The following PDE4B variants were observed in gnomAD, a reference collection of about 807,000 sequenced individuals.
PDE4B encodes the protein 3',5'-cyclic-AMP phosphodiesterase 4B.
Under a neutral mutation model 82.2 loss-of-function variants are expected in PDE4B, and 20 were observed. The ratio of observed to expected loss-of-function variants is 0.24; its 90% CI spans 0.17 to 0.35. PDE4B has a LOEUF of 0.35. PDE4B is among the 10% of genes least tolerant of loss of function. The pLI is 1.00. For synonymous variants in PDE4B, 320 were observed against 318.9 expected, an observed-to-expected ratio of 1.00 and a Z score of -0.04; for missense variants, 655 against 907.2, an observed-to-expected ratio of 0.72 and a Z score of 3.57.
At chr1:66,168,056 A>G (rs1646770810) in intron 3 of PDE4B, among the ~76,000 whole-genome samples, 1 of 152,176 alleles carries the variant, frequency 6.6e-6, no homozygotes. Flanking sequence ...CTGACCCAAA[A>G]TATTATTTTC....
intron 1 of PDE4B, among the ~76,000 whole-genome samples, chr1:65,834,127 C>A (rs1646114041): frequency 6.6e-6 from 1 of 152,202 alleles, no homozygotes; most frequent in African/African-American, 2.4e-5. Flanking sequence ...TCACTGCAAC[C>A]TCCGCCTCCC....
chr1:66,063,077 G>A (rs1308808702), intron 3 of PDE4B: 1 of 151,924 alleles, frequency 6.6e-6, no homozygotes, highest in African/African-American at 2.4e-5. Context: ...GATCAGCAAT[G>A]GCCTCATGTA....
chr1:65,917,340 G>A (rs941075745), intron 2 of PDE4B, among the ~76,000 whole-genome samples: 1 of 152,200 alleles, frequency 6.6e-6, no homozygotes, highest in African/African-American at 2.4e-5. Context: ...CCTAACTCGA[G>A]TCTGAAGAGC....
chr1:66,053,481 T>C (rs1655142977), intron 3 of PDE4B, among the ~76,000 whole-genome samples: 1 of 152,214 alleles, frequency 6.6e-6, no homozygotes, highest in Non-Finnish European at 1.5e-5. Flanking sequence ...TTGGTACCAT[T>C]ATTATCAATG....
chr1:66,335,150 C>T (rs1166554775), intron 8 of PDE4B, among the ~76,000 whole-genome samples: 1 of 152,160 alleles, frequency 6.6e-6, no homozygotes, highest in African/African-American at 2.4e-5. Context: ...AACTAAGGAG[C>T]CAGTGTAAAT....
chr1:66,276,757 C>A (rs139614528), intron 7 of PDE4B, among the ~76,000 whole-genome samples: 1 of 152,064 alleles, frequency 6.6e-6, no homozygotes, highest in Non-Finnish European at 1.5e-5. Flanking sequence ...ATAGATCTTA[C>A]GGCCCAGGAA....
At chr1:66,204,095 A>C (rs958125139) in intron 3 of PDE4B, among the ~76,000 whole-genome samples, 2 of 152,042 alleles carry the variant, frequency 1.3e-5, no homozygotes, top group Admixed American at 1.3e-4. Context: ...GGTCTGTTGG[A>C]GTTTGCTAGA....
chr1:66,202,814 G>A (rs1201339394), intron 3 of PDE4B, among the ~76,000 whole-genome samples: 2 of 152,030 alleles, frequency 1.3e-5, no homozygotes, highest in Non-Finnish European at 2.9e-5. Flanking sequence ...TTGCCAGTCT[G>A]TGTCTTTTAA....
chr1:66,088,104 G>T (rs184728001), intron 3 of PDE4B, among the ~76,000 whole-genome samples: 8 of 152,124 alleles, frequency 5.3e-5, no homozygotes, highest in African/African-American at 1.9e-4. Flanking sequence ...GAGGTTGTTG[G>T]GTTGGAAGAA....
At chr1:66,068,145 G>A (rs1353326449) in intron 3 of PDE4B, among the ~76,000 whole-genome samples, 1 of 151,538 alleles carries the variant, frequency 6.6e-6, no homozygotes, top group African/African-American at 2.4e-5. Flanking sequence ...AGTGCCTTGG[G>A]GGAGCTATAT....
intron 3 of PDE4B, among the ~76,000 whole-genome samples, chr1:66,014,188 A>G (rs1441199378): frequency 2.0e-5 from 3 of 152,106 alleles, no homozygotes; most frequent in African/African-American, 7.2e-5. Context: ...TATTCTAGGT[A>G]TTAGCCCATT....
chr1:66,000,561 G>A (rs1158214531), intron 3 of PDE4B, among the ~76,000 whole-genome samples: 1 of 152,152 alleles, frequency 6.6e-6, no homozygotes, highest in Non-Finnish European at 1.5e-5. Flanking sequence ...GTCACTGGTA[G>A]TAATTTGTTT....
chr1:66,132,139 A>G (rs1011339747), intron 3 of PDE4B, among the ~76,000 whole-genome samples: 3 of 152,200 alleles, frequency 2.0e-5, no homozygotes, highest in Non-Finnish European at 4.4e-5. Context: ...TGAACAATAG[A>G]ATGACATGAT....
At chr1:65,952,266 C>T (rs1407777156) in intron 3 of PDE4B, among the ~76,000 whole-genome samples, 3 of 152,082 alleles carry the variant, frequency 2.0e-5, no homozygotes, top group Non-Finnish European at 4.4e-5. Flanking sequence ...AGGAAGTCCT[C>T]CTCAACTTAG....
chr1:66,079,902 T>C (rs989134019), intron 3 of PDE4B, among the ~76,000 whole-genome samples: 4 of 152,106 alleles, frequency 2.6e-5, no homozygotes, highest in African/African-American at 9.7e-5. Flanking sequence ...TATAAATATA[T>C]ACTAACAAGC....
At position 66,368,810 on chromosome 1, in the gene PDE4B, T is replaced by C; in HGVS notation, c.1686T>C (p.Cys562=). 1 of 1,610,894 alleles carries C rather than the reference T, an allele frequency of 6.2e-7. No homozygotes were observed. Among genetic ancestry groups the C allele is most frequent in the South Asian group, 1.1e-5 (1 of 90,580 alleles). Residue 562 remains cysteine, a synonymous_variant, in exon 16 of 17, where the codon TGT becomes TGC. Transcript: ENST00000341517. ...RIQVLRNMVH[C]ADLSNPTKSL... is the part of the protein sequence containing the mutation. The stretch of plus-strand genomic sequence containing the variant: ...AGGTCCTTCGCAACATGGTACACTG[T>C]GCAGACCTGAGCAACCCCACCAAGT...
chr1:65,877,151 A>T (rs1646654103), intron 1 of PDE4B, among the ~76,000 whole-genome samples: 1 of 152,182 alleles, frequency 6.6e-6, no homozygotes, highest in Non-Finnish European at 1.5e-5. Context: ...ACTTCAAACT[A>T]TACTACAAGG....
chr1:65,960,283 A>G (rs982981442), intron 3 of PDE4B, among the ~76,000 whole-genome samples: 2 of 152,062 alleles, frequency 1.3e-5, no homozygotes, highest in African/African-American at 4.8e-5. Flanking sequence ...ACACAGTTCC[A>G]AGAAGCCCAA....
intron 7 of PDE4B, among the ~76,000 whole-genome samples, chr1:66,327,756 C>T (rs1659838847): frequency 1.3e-5 from 2 of 152,190 alleles, no homozygotes; most frequent in African/African-American, 4.8e-5. Flanking sequence ...CTTCCCTGTG[C>T]ATTAGGTAGA....
Sources: allele counts gnomAD v4.1 joint callset (sites outside exome capture counted in the v4.1 genomes callset), GRCh38; gene constraint gnomAD v4.1.1; transcripts MANE v1.5; gene names NCBI Gene and HGNC (gene_info 2026-07-23, HGNC 2026-07-21).